Variants in RANBP1 observed in about 807,000 individuals in gnomAD.
RANBP1 encodes RAN binding protein 1.
In RANBP1, 16 loss-of-function variants were observed where a neutral mutation model predicts 31.4. The ratio of observed to expected loss-of-function variants is 0.51; its 90% CI spans 0.34 to 0.77. The LOEUF is 0.77. RANBP1 is among the 30% of genes least tolerant of loss of function. The pLI is 0.01. For missense variants in RANBP1, 265 were observed against 362.0 expected, an observed-to-expected ratio of 0.73 and a Z score of 2.17; for synonymous variants, 129 against 140.5, an observed-to-expected ratio of 0.92 and a Z score of 0.58.
In RANBP1 at chr22:20,116,651, G is replaced by A. The variant is rs756493251; in HGVS notation, c.246+221G>A. On this transcript the variant is annotated intron_variant, in intron 1 of 5. Coordinates refer to ENST00000430524, the MANE Select transcript of RANBP1 (RefSeq NM_001278639.2). ...GATGGGGTGCTAGGGTGAGGACTAG[G>A]CCCTGGGGGCCTGGCCCCCCAAGCT... The A allele has an allele frequency of 2.2e-5, 33 of 1,513,868 alleles. No individual in the cohort carries two copies. The East Asian group carries it at 4.5e-4, about 21-fold the overall frequency. 93.8% of individuals were successfully genotyped at this position (1,513,868 alleles called of 1,614,324 possible). A position where few individuals can be genotyped will look rare whatever the true frequency, so the allele number is the denominator to read the frequency against.
At chr22:20,117,904 G>C in intron 1 of RANBP1, 1 of 1,016,696 alleles carries the variant, frequency 9.8e-7, no homozygotes, top group Non-Finnish European at 1.2e-6. Flanking sequence ...GCCCCCGCGT[G>C]ACCTTGGGGT....
In RANBP1 at chr22:20,116,283, G is replaced by T; in HGVS notation, c.99G>T (p.Ala33=). The change falls in exon 1 of 6, where the codon GCG becomes GCT. Residue 33 remains alanine (A), a synonymous_variant. Transcript: ENST00000430524. ...GCAGGGCCTTGTCCCTCTCTGCAGC[G>T]CTGCGGAATGTCACAAAGGCGCAGG... ...KTRRALSLSA[A]LRNVTKAQGG... is the part of the protein sequence containing the mutation. The T allele has an allele frequency of 2.5e-6, 4 of 1,612,944 alleles. No individual in the cohort carries two copies. Among genetic ancestry groups the T allele is most frequent in the Non-Finnish European group, 3.4e-6 (4 of 1,180,020 alleles).
At chr22:20,122,476 T>C in intron 3 of RANBP1, 55 bp downstream of exon 3, 2 of 1,609,996 alleles carry the variant, frequency 1.2e-6, no homozygotes, top group Non-Finnish European at 1.7e-6. Flanking sequence ...CCTGGGACCT[T>C]TGGGAAGATT....
chr22:20,121,196 ACCTG>A (rs2050162128), intron 2 of RANBP1, among the ~76,000 whole-genome samples: 1 of 150,032 alleles, frequency 6.7e-6, no homozygotes, highest in Non-Finnish European at 1.5e-5. Flanking sequence ...CTCATGATCC[ACCTG>A]CCTTGGCCTC....
intron 3 of RANBP1, 186 bp downstream of exon 3, chr22:20,122,607 G>A (rs868715181): frequency 9.2e-6 from 14 of 1,527,486 alleles, no homozygotes; most frequent in African/African-American, 2.8e-5. Flanking sequence ...GAGCAGGCCC[G>A]CAGCGAAGCT....
At chr22:20,116,729 C>T (rs2147968232) in intron 1 of RANBP1, 1 of 1,417,446 alleles carries the variant, frequency 7.1e-7, no homozygotes, top group Non-Finnish European at 9.6e-7. Context: ...CAGCCCTGCC[C>T]CTCCCCCAGT....
intron 1 of RANBP1, chr22:20,117,774 C>T: frequency 9.4e-7 from 1 of 1,059,686 alleles, no homozygotes; most frequent in East Asian, 7.3e-5. Flanking sequence ...GGCCTGCAGG[C>T]TCGGCCGTCT....
At chr22:20,118,780 G>T (rs547096376) in intron 1 of RANBP1, among the ~76,000 whole-genome samples, 6 of 152,234 alleles carry the variant, frequency 3.9e-5, no homozygotes, top group Admixed American at 3.9e-4. Flanking sequence ...TGTGAATCTG[G>T]GGGAGGGGCC....
chr22:20,125,101 A>G lies in RANBP1; in HGVS notation c.542-207A>G, dbSNP rs1213391520. On this transcript the variant is annotated intron_variant, in intron 3 of 5. Coordinates refer to ENST00000430524, the MANE Select transcript of RANBP1 (RefSeq NM_001278639.2). ...CCTATTTAGGATGGTCCTGGTTTTA[A>G]GTGAATATGGAGGATTTTCAAAGAG... 6.8e-6 allele frequency: 4 copies of G among 585,838 alleles called. No homozygotes were observed. The Admixed American group carries it at 1.2e-4, about 18-fold the overall frequency. The allele number at this position is 585,838 out of a possible 1,614,324, so 36.3% of individuals were successfully genotyped here.
At chr22:20,118,433 TC>T (rs1198553241) in intron 1 of RANBP1, 8 of 861,204 alleles carry the variant, frequency 9.3e-6, no homozygotes, top group African/African-American at 1.8e-5. Context: ...AACTTAGTTT[TC>T]TGAACTGTGA....
At chr22:20,117,008 G>A (rs2050047558) in intron 1 of RANBP1, 1 of 1,447,612 alleles carries the variant, frequency 6.9e-7, no homozygotes, top group South Asian at 1.2e-5. Flanking sequence ...CAAGGGAAGT[G>A]CTCAGAGGGG....
chr22:20,117,530 A>C, intron 1 of RANBP1: 2 of 1,099,742 alleles, frequency 1.8e-6, no homozygotes, highest in Admixed American at 4.3e-5. Context: ...CGGAGGGAAG[A>C]GCGGGCGGGC....
chr22:20,117,136 C>T, intron 1 of RANBP1: 1 of 576,904 alleles, frequency 1.7e-6, no homozygotes, highest in Non-Finnish European at 2.9e-6. Flanking sequence ...TGGGGCTGTA[C>T]CGCCCGCCCG....
intron 1 of RANBP1, chr22:20,117,373 G>A: frequency 2.5e-6 from 3 of 1,218,760 alleles, no homozygotes; most frequent in Non-Finnish European, 3.1e-6. Context: ...GGCGGGCCGG[G>A]CATGCGCCGC....
At position 20,116,882 on chromosome 22, in the gene RANBP1, C is replaced by T. The variant is rs768248845; in HGVS notation, c.246+452C>T. The T allele has an allele frequency of 6.5e-6, 10 of 1,542,202 alleles. No homozygotes were observed. In the Admixed American group the frequency reaches 1.7e-4, roughly 27 times the overall value. On this transcript the variant is annotated intron_variant, in intron 1 of 5. Coordinates refer to ENST00000430524, the MANE Select transcript of RANBP1 (RefSeq NM_001278639.2). ...CTACCCAGCGTCTCCCCGCACTCTACCTCGTTGTCGAGGTTCTCACTCATC... is the reference window on the plus strand; with the variant it reads ...CTACCCAGCGTCTCCCCGCACTCTATCTCGTTGTCGAGGTTCTCACTCATC...
Position 20,127,141 on chromosome 22 carries a change from C to T in RANBP1, c.*89C>T, listed in dbSNP as rs956865616. The stretch of plus-strand genomic sequence containing the variant: ...CCCTCTTTTTCGGTTTGTTTTTATT[C>T]TTTCATTTTTACAAGGGACGTTATA... On this transcript the variant is annotated 3_prime_UTR_variant, in exon 6 of 6. Coordinates refer to ENST00000430524, the MANE Select transcript of RANBP1 (RefSeq NM_001278639.2). The T allele has an allele frequency of 9.0e-7, 1 of 1,106,304 alleles. No individual in the cohort carries two copies. The highest frequency in any genetic ancestry group is 1.6e-5 in the African/African-American group (1 of 61,258). 68.5% of individuals were successfully genotyped at this position (1,106,304 alleles called of 1,614,324 possible).
intron 2 of RANBP1, 134 bp downstream of exon 2, chr22:20,119,283 C>T (rs1206694263): frequency 2.4e-6 from 2 of 816,550 alleles, no homozygotes; most frequent in Non-Finnish European, 3.9e-6. Context: ...GGTGACTAAT[C>T]CCATGTGGAA....
At chr22:20,122,679 G>C (rs1459697965) in intron 3 of RANBP1, 4 of 1,441,910 alleles carry the variant, frequency 2.8e-6, no homozygotes, top group Non-Finnish European at 3.7e-6. Context: ...CAGCGCCCAG[G>C]CTGGGCTCGG....
intron 2 of RANBP1, 63 bp downstream of exon 2, chr22:20,119,212 G>A: frequency 6.6e-7 from 1 of 1,525,958 alleles, no homozygotes; most frequent in Non-Finnish European, 9.0e-7. Context: ...TTTTATGGGT[G>A]TCCAGGTTTT....
Sources: gnomAD v4.1 joint callset for allele counts (sites outside exome capture counted in the v4.1 genomes callset) on GRCh38, gnomAD v4.1.1 for gene constraint, MANE v1.5 for transcripts, NCBI Gene and HGNC (gene_info 2026-07-23, HGNC 2026-07-21) for gene names.